MYH14: variants seen among roughly 807,000 people sequenced by gnomAD.
MYH14 encodes the protein myosin heavy chain 14.
A neutral mutation model predicts 255.5 loss-of-function variants in MYH14; 123 were observed. That is an observed-to-expected ratio of 0.48 (90% CI 0.42 to 0.56). MYH14 has a LOEUF of 0.56. Among genes scored for constraint, MYH14 ranks in the 20% least tolerant of loss-of-function variants. The pLI, the probability that MYH14 is intolerant of heterozygous loss-of-function variation, is 0.00. For missense variants in MYH14, 2,423 were observed against 2,802.3 expected, an observed-to-expected ratio of 0.86 and a Z score of 3.06; for synonymous variants, 1,095 against 1,161.2, an observed-to-expected ratio of 0.94 and a Z score of 1.16.
chr19:50,236,017 A>G (rs1395235060), intron 10 of MYH14, among the ~76,000 whole-genome samples: 1 of 130,208 alleles, frequency 7.7e-6, no homozygotes, highest in Non-Finnish European at 1.6e-5. Flanking sequence ...TTTCCATTCC[A>G]TTACTATTGG....
chr19:50,284,682 A>T (rs2035833888), intron 33 of MYH14: 1 of 148,584 alleles, frequency 6.7e-6, no homozygotes, highest in Admixed American at 6.7e-5. Context: ...GAGCCACTGC[A>T]CCCGGCCTAT....
chr19:50,223,199 G>A (rs768894784), intron 4 of MYH14, 48 bp from the exon 5 acceptor site: 1 of 1,608,006 alleles, frequency 6.2e-7, no homozygotes, highest in African/African-American at 1.3e-5. Context: ...TGGGGAGCTT[G>A]CCTGAGGTCA....
intron 19 of MYH14, among the ~76,000 whole-genome samples, chr19:50,259,931 C>T (rs138953738): frequency 6.6e-6 from 1 of 151,958 alleles, no homozygotes; most frequent in Admixed American, 6.6e-5. Flanking sequence ...TAGAAAATAC[C>T]AAGGCCTAAT....
rs764396652 is a variant in MYH14 at position 50,207,271 on chromosome 19, C to CAGAGAGAGAGAGAGAGAGAGAGAG, written c.-3-3072_-3-3049dup. Among the ~76,000 whole-genome samples the CAGAGAGAGAGAGAGAGAGAGAGAG allele has an allele frequency of 8.6e-4, 66 of 76,826 alleles. 6 individuals are homozygous for CAGAGAGAGAGAGAGAGAGAGAGAG. The highest frequency in any genetic ancestry group is 2.4e-3 in the East Asian group (6 of 2,476). The allele number at this position is 76,826 out of a possible 152,430, so 50.4% of individuals were successfully genotyped here. A position where few individuals can be genotyped will look rare whatever the true frequency, so the allele number is the denominator to read the frequency against. ...AGAGAGAGAGAAAGAGAGAGAGAGA[C>CAGAGAGAGAGAGAGAGAGAGAGAG]AGAGAGAGAGAGAGAGAGAGAGAGA... On this transcript the variant is annotated intron_variant, in intron 1 of 42. Coordinates refer to ENST00000642316, the MANE Select transcript of MYH14 (RefSeq NM_001145809.2).
intron 27 of MYH14, 22 bp downstream of exon 27, chr19:50,272,753 G>T: frequency 6.5e-7 from 1 of 1,548,566 alleles, no homozygotes; most frequent in Non-Finnish European, 8.7e-7. Context: ...GGTGGGCTTG[G>T]TGGGGTAAGC....
At chr19:50,205,302 G>GCGCCGC (rs1017904710) in intron 1 of MYH14, among the ~76,000 whole-genome samples, 3 of 152,122 alleles carry the variant, frequency 2.0e-5, no homozygotes, top group African/African-American at 7.2e-5. Flanking sequence ...GGAGCCCCTG[G>GCGCCGC]CGCCGCCGCC....
chr19:50,275,345 C>T (rs1458903361), intron 27 of MYH14, among the ~76,000 whole-genome samples: 1 of 152,200 alleles, frequency 6.6e-6, no homozygotes, highest in African/African-American at 2.4e-5. Flanking sequence ...CCGGGCCAAC[C>T]CAGCCACTCA....
At position 50,230,609 on chromosome 19, in the gene MYH14, G is replaced by A. The variant is rs779114828; in HGVS notation, c.959G>A (p.Gly320Glu). ...TTCTACCAGCTGCTGGGGGGCGCTGGAGAGCAGCTCAAAGGTCAGTGCCGC... is the reference window on the plus strand; with the variant it reads ...TTCTACCAGCTGCTGGGGGGCGCTGAAGAGCAGCTCAAAGGTCAGTGCCGC... ...HIFYQLLGGA[G>E]EQLKADLLLE... Residue 320 changes from glycine to glutamate, a missense_variant, in exon 9 of 43, where the codon GGA becomes GAA. Physicochemically the swap from Gly to Glu is moderately conservative, Grantham distance 98. Coordinates refer to ENST00000642316, the MANE Select transcript of MYH14 (RefSeq NM_001145809.2). This position sits in a 1 kb window ranked among gnomAD's most constrained non-coding sequence, Gnocchi z 4.7. 19 of 1,564,170 alleles carry A rather than the reference G, an allele frequency of 1.2e-5. No individual in the cohort carries two copies. Among genetic ancestry groups the A allele is most frequent in the African/African-American group, 6.8e-5 (5 of 73,606 alleles).
At position 50,281,789 on chromosome 19, in the gene MYH14, C is replaced by G. The variant is rs141995460; in HGVS notation, c.4486C>G (p.Gln1496Glu). 12 of 1,612,688 alleles carry G rather than the reference C, an allele frequency of 7.4e-6. No homozygotes were observed. Among genetic ancestry groups the G allele is most frequent in the Admixed American group, 6.7e-5 (4 of 59,990 alleles). Reference protein sequence around the residue: ...ELDDATMDLEQQRQLVSTLEK... With the variant: ...ELDDATMDLEEQRQLVSTLEK... ...GGACGACGCCACCATGGACCTGGAG[C>G]AGCAGCGGCAGCTTGTGAGCACCCT... is the stretch of plus-strand genomic sequence containing the variant. The change falls in exon 33 of 43, where the codon CAG becomes GAG. Residue 1496 changes from glutamine to glutamate, a missense_variant. By Grantham distance (29) the Gln-to-Glu change is conservative. Around this residue, in one of 3 missense-constraint regions of MYH14, gnomAD observed 1,513 missense variants for 1,674.8 expected, o/e 0.90. Transcript: ENST00000642316.
At chr19:50,260,311 GC>G (rs2034775136) in intron 19 of MYH14, among the ~76,000 whole-genome samples, 1 of 152,186 alleles carries the variant, frequency 6.6e-6, no homozygotes. Flanking sequence ...CTGAATCCCA[GC>G]TACCTGGTAG....
chr19:50,222,931 G>A (rs1487904579), intron 3 of MYH14, among the ~76,000 whole-genome samples, 152 bp from the exon 4 acceptor site: 1 of 152,160 alleles, frequency 6.6e-6, no homozygotes, highest in Non-Finnish European at 1.5e-5. Flanking sequence ...GCTGGGTGGG[G>A]AATTAGAATC....
In MYH14 at chr19:50,309,985, G is replaced by T; in HGVS notation, c.*195G>T. On this transcript the variant is annotated 3_prime_UTR_variant, in exon 43 of 43. Transcript: ENST00000642316. ...AAGGATGACCCCTAAACACAGAGGA[G>T]CGGGGCAGGCAGGGAGGCAATGACT... The T allele has an allele frequency of 1.5e-6, 1 of 681,148 alleles. No homozygotes were observed. The highest frequency in any genetic ancestry group is 2.6e-6 in the Non-Finnish European group (1 of 388,824). 42.2% of individuals were successfully genotyped at this position (681,148 alleles called of 1,614,324 possible).
In MYH14 at chr19:50,293,144, C is replaced by A. The variant is rs2123456467; in HGVS notation, c.5257-89C>A. Reference sequence around the variant, plus strand: ...GACAGCATGAGAAAAAAGCCAAGAGCCTTGAGGTGTGAGGGACAGAGAAAG... The same window carrying A: ...GACAGCATGAGAAAAAAGCCAAGAGACTTGAGGTGTGAGGGACAGAGAAAG... On this transcript the variant is annotated intron_variant, in intron 37 of 42. Transcript: ENST00000642316. This position sits in a 1 kb window ranked among gnomAD's most constrained non-coding sequence, Gnocchi z 4.1. 1.1e-6 allele frequency: 1 copy of A among 918,922 alleles called. No individual in the cohort carries two copies. The highest frequency in any genetic ancestry group is 1.8e-6 in the Non-Finnish European group (1 of 569,932). 56.9% of individuals were successfully genotyped at this position (918,922 alleles called of 1,614,324 possible). A position where few individuals can be genotyped will look rare whatever the true frequency, so the allele number is the denominator to read the frequency against.
chr19:50,260,756 T>TGTGTGCGCGTGCATGA lies in MYH14; in HGVS notation c.2424+48_2424+49insCGTGCATGAGTGTGCG, dbSNP rs531176460. 4,673 of 1,470,084 alleles carry TGTGTGCGCGTGCATGA rather than the reference T, an allele frequency of 3.2e-3. 74 individuals are homozygous for TGTGTGCGCGTGCATGA. Among genetic ancestry groups the TGTGTGCGCGTGCATGA allele is most frequent in the Non-Finnish European group, 3.6e-3 (3,845 of 1,070,482 alleles). 91.1% of individuals were successfully genotyped at this position (1,470,084 alleles called of 1,614,324 possible). A position where few individuals can be genotyped will look rare whatever the true frequency, so the allele number is the denominator to read the frequency against. ...CCTGGAATGCGTGTGTGCGTGTGTG[T>TGTGTGCGCGTGCATGA]GTGTGCGTGCATGAGTGTGCGTGCA... On this transcript the variant is annotated intron_variant, in intron 20 of 42. Transcript: ENST00000642316.
At chr19:50,257,929 G>T (rs1337421423) in intron 18 of MYH14, among the ~76,000 whole-genome samples, 1 of 152,116 alleles carries the variant, frequency 6.6e-6, no homozygotes, top group South Asian at 2.1e-4. Flanking sequence ...TCCAGGCAGA[G>T]AAGAGTTTGT....
At chr19:50,208,745 C>T (rs2031984456) in intron 1 of MYH14, among the ~76,000 whole-genome samples, 2 of 152,170 alleles carry the variant, frequency 1.3e-5, no homozygotes, top group South Asian at 4.1e-4. Flanking sequence ...AAAATATTAT[C>T]ATTTCAGCAT....
chr19:50,221,503 C>T lies in MYH14; in HGVS notation c.563-1580C>T, dbSNP rs4802674. 0.5 allele frequency among the ~76,000 whole-genome samples: 76,693 copies of T among 151,890 alleles called. 22,046 individuals carry two copies. Among genetic ancestry groups the T allele is most frequent in the Non-Finnish European group, 0.64 (43,464 of 67,946 alleles). On this transcript the variant is annotated intron_variant, in intron 3 of 42. Coordinates refer to ENST00000642316, the MANE Select transcript of MYH14 (RefSeq NM_001145809.2). This position sits in a 1 kb window ranked among gnomAD's most constrained non-coding sequence, Gnocchi z 5.3. ...TAAATTTATTTATTTAGAGACGGAG[C>T]CTCACTCTTGTCACCCAGGCTGGAG... is the stretch of plus-strand genomic sequence containing the variant.
chr19:50,250,391 G>A lies in MYH14; in HGVS notation c.1657-124G>A, dbSNP rs964102536. ...GCTGGGATTACAGGCGTGAGCCACCGTGCCTGGCATCTCACGTTTGTTTTT... is the reference window on the plus strand; with the variant it reads ...GCTGGGATTACAGGCGTGAGCCACCATGCCTGGCATCTCACGTTTGTTTTT... On this transcript the variant is annotated intron_variant, in intron 14 of 42. Coordinates refer to ENST00000642316, the MANE Select transcript of MYH14 (RefSeq NM_001145809.2). The surrounding 1 kb of genome is among the most constrained non-coding windows in gnomAD (Gnocchi z 5.4). The A allele has an allele frequency of 2.4e-5, 24 of 989,884 alleles. No homozygotes were observed. Among genetic ancestry groups the A allele is most frequent in the Admixed American group, 6.4e-5 (3 of 46,696 alleles). The allele number at this position is 989,884 out of a possible 1,614,324, so 61.3% of individuals were successfully genotyped here.
intron 1 of MYH14, among the ~76,000 whole-genome samples, 163 bp downstream of exon 1, chr19:50,203,834 C>T (rs537281023): frequency 7.1e-6 from 1 of 140,404 alleles, no homozygotes; most frequent in African/African-American, 2.5e-5. Flanking sequence ...AGCGGGACGG[C>T]GGCGAGGGAG....
Sources: allele counts gnomAD v4.1 joint callset (sites outside exome capture counted in the v4.1 genomes callset), GRCh38; gene constraint gnomAD v4.1.1; regional missense constraint gnomAD v4.1.1; non-coding constraint Gnocchi (gnomAD v3.1); transcripts MANE v1.5; gene names NCBI Gene and HGNC (gene_info 2026-07-23, HGNC 2026-07-21).